The following LRRC4C variants were observed in gnomAD, a reference collection of about 807,000 sequenced individuals.
The protein encoded by LRRC4C is leucine rich repeat containing 4C.
Under a neutral mutation model 33.6 loss-of-function variants are expected in LRRC4C, and 5 were observed. The ratio of observed to expected loss-of-function variants is 0.15; its 90% CI spans 0.08 to 0.31. The LOEUF (loss-of-function observed/expected upper bound fraction) is 0.31, where lower values mean the gene tolerates loss of function less well. Ranked by LOEUF, LRRC4C falls within the 10% of genes least tolerant of loss-of-function variation. LRRC4C has a pLI of 1.00. For missense variants in LRRC4C, 560 were observed against 796.7 expected (o/e 0.70, Z 3.58); for synonymous variants, 329 against 302.0 (o/e 1.09, Z -0.93).
At chr11:40,287,252 C>CCGTA (rs1555005410) in intron 4 of LRRC4C, among the ~76,000 whole-genome samples, 1 of 103,532 alleles carries the variant, frequency 9.7e-6, no homozygotes, top group African/African-American at 3.8e-5. Flanking sequence ...CTTAATGTCA[C>CCGTA]TGTATGTGTG....
intron 6 of LRRC4C, among the ~76,000 whole-genome samples, chr11:40,129,023 A>C (rs544347555): frequency 1.3e-3 from 191 of 152,208 alleles, no homozygotes; most frequent in Non-Finnish European, 1.2e-3. Flanking sequence ...ATTTCCATGG[A>C]GTAGAGACTT....
intron 1 of LRRC4C, among the ~76,000 whole-genome samples, chr11:41,458,190 T>C (rs532358259): frequency 1.3e-5 from 2 of 152,270 alleles, no homozygotes; most frequent in African/African-American, 4.8e-5. Flanking sequence ...CTTCTCTACC[T>C]AGTTAACACA....
intron 2 of LRRC4C, among the ~76,000 whole-genome samples, chr11:40,651,032 T>C (rs548739521): frequency 1.3e-5 from 2 of 152,326 alleles, no homozygotes; most frequent in East Asian, 3.9e-4. Flanking sequence ...AATCCCATCT[T>C]AATAGAACAT....
chr11:40,704,245 C>T (rs1047589592), intron 2 of LRRC4C, among the ~76,000 whole-genome samples: 23 of 152,078 alleles, frequency 1.5e-4, no homozygotes, highest in African/African-American at 5.6e-4. Flanking sequence ...TTGAGCATCC[C>T]TTCATTTTCA....
chr11:40,599,307 C>A (rs890780884), intron 3 of LRRC4C, among the ~76,000 whole-genome samples: 2 of 151,882 alleles, frequency 1.3e-5, no homozygotes, highest in Non-Finnish European at 2.9e-5. Flanking sequence ...AAAAAATCAC[C>A]AGGTTTCGTG....
intron 1 of LRRC4C, among the ~76,000 whole-genome samples, chr11:41,407,688 A>G (rs1206530502): frequency 6.6e-6 from 1 of 152,184 alleles, no homozygotes; most frequent in Non-Finnish European, 1.5e-5. Flanking sequence ...TTTATAAACC[A>G]TGTTGCTCAG....
intron 3 of LRRC4C, among the ~76,000 whole-genome samples, chr11:40,476,626 A>G (rs1253529190): frequency 6.6e-6 from 1 of 152,048 alleles, no homozygotes; most frequent in African/African-American, 2.4e-5. Flanking sequence ...TTACAGGCGT[A>G]AGCCACCACG....
chr11:41,031,679 T>C (rs562825141), intron 1 of LRRC4C, among the ~76,000 whole-genome samples: 3 of 152,132 alleles, frequency 2.0e-5, no homozygotes, highest in African/African-American at 7.2e-5. Flanking sequence ...GGATGCTTAC[T>C]AAATCCAGTG....
chr11:41,264,931 G>A (rs1158997649), intron 1 of LRRC4C, among the ~76,000 whole-genome samples: 1 of 152,142 alleles, frequency 6.6e-6, no homozygotes, highest in Non-Finnish European at 1.5e-5. Context: ...AGATGTGTCA[G>A]AACAGGGCCT....
chr11:40,752,896 A>T (rs556380474), intron 2 of LRRC4C, among the ~76,000 whole-genome samples: 1 of 152,222 alleles, frequency 6.6e-6, no homozygotes, highest in African/African-American at 2.4e-5. Context: ...ATAAATGTAT[A>T]AAGAAAATGT....
At chr11:40,647,345 T>C (rs1420227885) in intron 3 of LRRC4C, among the ~76,000 whole-genome samples, 1 of 152,192 alleles carries the variant, frequency 6.6e-6, no homozygotes, top group Non-Finnish European at 1.5e-5. Context: ...AATGTCACTA[T>C]AATTTGATCT....
chr11:40,528,278 T>C (rs1956136552), intron 3 of LRRC4C, among the ~76,000 whole-genome samples: 1 of 152,088 alleles, frequency 6.6e-6, no homozygotes. Flanking sequence ...AAACTATATA[T>C]TGATAAGCAG....
In LRRC4C at chr11:40,344,652, T is replaced by C. The variant is rs1479413310; in HGVS notation, c.-269-24931A>G. Among the ~76,000 whole-genome samples the C allele has an allele frequency of 2.6e-5, 4 of 152,190 alleles. No homozygotes were observed. In the South Asian group the frequency reaches 6.2e-4, roughly 24 times the overall value. The stretch of plus-strand genomic sequence containing the variant: ...CAATACTGTACTGGAAGGCCTGGCC[T>C]GAGCAATCCAGCAAAGGAAAGAAAT... On this transcript the variant is annotated intron_variant, in intron 3 of 6. Coordinates refer to ENST00000528697, the MANE Select transcript of LRRC4C (RefSeq NM_001258419.2).
chr11:41,399,615 T>C (rs1953951193), intron 1 of LRRC4C, among the ~76,000 whole-genome samples: 1 of 151,934 alleles, frequency 6.6e-6, no homozygotes, highest in Non-Finnish European at 1.5e-5. Flanking sequence ...CTATTAATCC[T>C]TTGCATGCTT....
chr11:40,669,686 T>C (rs1413669646), intron 2 of LRRC4C, among the ~76,000 whole-genome samples: 1 of 152,240 alleles, frequency 6.6e-6, no homozygotes, highest in Non-Finnish European at 1.5e-5. Flanking sequence ...TTCTAATGTC[T>C]TCAGACTGAG....
chr11:41,027,693 G>C (rs1028742556), intron 1 of LRRC4C, among the ~76,000 whole-genome samples: 3 of 151,572 alleles, frequency 2.0e-5, no homozygotes, highest in Non-Finnish European at 4.4e-5. Flanking sequence ...AATAGTCTAG[G>C]CAATTTTCCT....
At chr11:41,442,466 T>TTC (rs1555172342) in intron 1 of LRRC4C, among the ~76,000 whole-genome samples, 5 of 73,196 alleles carry the variant, frequency 6.8e-5, no homozygotes, top group African/African-American at 2.4e-4. Flanking sequence ...TTCTTTTTTT[T>TTC]TTTTTTTTTT....
At chr11:41,013,453 A>T (rs1855357223) in intron 1 of LRRC4C, among the ~76,000 whole-genome samples, 1 of 152,200 alleles carries the variant, frequency 6.6e-6, no homozygotes, top group African/African-American at 2.4e-5. Context: ...ATACATAGAC[A>T]TCTTTTTGAT....
At chr11:41,321,543 G>C (rs1259719157) in intron 1 of LRRC4C, among the ~76,000 whole-genome samples, 1 of 152,064 alleles carries the variant, frequency 6.6e-6, no homozygotes, top group Non-Finnish European at 1.5e-5. Context: ...AACTTCCCTT[G>C]GGTATATAAT....
Sources: gnomAD v4.1 joint callset for allele counts (sites outside exome capture counted in the v4.1 genomes callset) on GRCh38, gnomAD v4.1.1 for gene constraint, MANE v1.5 for transcripts, NCBI Gene and HGNC (gene_info 2026-07-23, HGNC 2026-07-21) for gene names.